CDH20: variants seen among roughly 807,000 people sequenced by gnomAD.
CDH20 encodes cadherin-20.
A neutral mutation model predicts 74.2 loss-of-function variants in CDH20; 29 were observed. The ratio of observed to expected loss-of-function variants is 0.39; its 90% confidence interval spans 0.29 to 0.53. CDH20 has a LOEUF of 0.53. Among genes scored for constraint, CDH20 ranks in the 20% least tolerant of loss-of-function variants. The pLI is 0.69. For synonymous variants in CDH20, 469 were observed against 405.4 expected (o/e 1.16, Z -1.88); for missense variants, 988 against 1,048.3 (o/e 0.94, Z 0.79).
rs543265673 is a variant in CDH20, at chr18:61,360,744, C to A, written c.-153+26917C>A. Among the ~76,000 whole-genome samples, 73 of 152,346 alleles carry A rather than the reference C, an allele frequency of 4.8e-4. No homozygotes were observed. The South Asian group carries it at 0.015, about 32-fold the overall frequency. On this transcript the variant is annotated intron_variant, in intron 1 of 11. Coordinates refer to ENST00000262717, the MANE Select transcript of CDH20 (RefSeq NM_031891.4). The stretch of plus-strand genomic sequence containing the variant: ...AGTGCATGACAGGTTAAGTGAATAC[C>A]AAAGCCCAGCCAGGCAAAAGGACCC...
chr18:61,490,063 T>C, intron 1 of CDH20, among the ~76,000 whole-genome samples: 1 of 152,192 alleles, frequency 6.6e-6, no homozygotes, highest in South Asian at 2.1e-4. Flanking sequence ...TTTAAGAGCC[T>C]GTCTGATCAT....
chr18:61,338,008 C>T (rs1043486521), intron 1 of CDH20, among the ~76,000 whole-genome samples: 1 of 152,186 alleles, frequency 6.6e-6, no homozygotes, highest in East Asian at 1.9e-4. Context: ...TAAGGTCATA[C>T]AGTCTCATAA....
chr18:61,504,208 G>T (rs1209324594), intron 5 of CDH20, among the ~76,000 whole-genome samples: 1 of 152,218 alleles, frequency 6.6e-6, no homozygotes, highest in African/African-American at 2.4e-5. Context: ...GTAGAGGAGG[G>T]GTTGGCAAGG....
intron 1 of CDH20, among the ~76,000 whole-genome samples, chr18:61,403,714 T>G (rs1912230540): frequency 6.6e-6 from 1 of 152,122 alleles, no homozygotes; most frequent in African/African-American, 2.4e-5. Flanking sequence ...ATTAGATAAC[T>G]CATGGGTAAA....
intron 1 of CDH20, among the ~76,000 whole-genome samples, chr18:61,475,023 G>C (rs1039700214): frequency 6.7e-6 from 1 of 150,238 alleles, no homozygotes; most frequent in Non-Finnish European, 1.5e-5. Flanking sequence ...TTAAGGTCCT[G>C]TCAAGTATAG....
chr18:61,523,615 C>G (rs1367904623), intron 6 of CDH20, among the ~76,000 whole-genome samples: 3 of 152,162 alleles, frequency 2.0e-5, no homozygotes, highest in African/African-American at 4.8e-5. Context: ...AAGACACATG[C>G]ACACGTATGT....
chr18:61,550,003 G>A lies in CDH20; in HGVS notation c.1674G>A (p.Arg558=), dbSNP rs763326176. The A allele has an allele frequency of 4.3e-6, 7 of 1,613,996 alleles. No individual in the cohort carries two copies. In the South Asian group the frequency reaches 7.7e-5, roughly 18 times the overall value. Residue 558 remains arginine (R), a synonymous_variant, in exon 11 of 12, where the codon AGG becomes AGA. Coordinates refer to ENST00000262717, the MANE Select transcript of CDH20 (RefSeq NM_031891.4). ...NQDNTARILT[R]RSGFRQQEQS... is the part of the protein sequence containing the mutation. Reference sequence around the variant, plus strand: ...ATAACACAGCACGGATTCTAACCAGGAGGTCTGGTTTCCGGCAGCAGGAGC... The same window carrying A: ...ATAACACAGCACGGATTCTAACCAGAAGGTCTGGTTTCCGGCAGCAGGAGC...
Position 61,395,397 on chromosome 18 carries a change from T to G in CDH20, c.-153+61570T>G, listed in dbSNP as rs539649685. Among the ~76,000 whole-genome samples the G allele has an allele frequency of 9.8e-5, 15 of 152,298 alleles. No homozygotes were observed. In the South Asian group the frequency reaches 3.1e-3, roughly 32 times the overall value. Reference sequence around the variant, plus strand: ...TAAATATTAGCTATTATTATGTGAGTTTTTAGGACTGAGTCATCTTCATCT... The same window carrying G: ...TAAATATTAGCTATTATTATGTGAGGTTTTAGGACTGAGTCATCTTCATCT... On this transcript the variant is annotated intron_variant, in intron 1 of 11. Coordinates refer to ENST00000262717, the MANE Select transcript of CDH20 (RefSeq NM_031891.4).
At chr18:61,518,239 G>A (rs1302784246) in intron 6 of CDH20, among the ~76,000 whole-genome samples, 1 of 152,238 alleles carries the variant, frequency 6.6e-6, no homozygotes, top group Non-Finnish European at 1.5e-5. Context: ...GAAGACAGCA[G>A]TGAATCTCTC....
At chr18:61,504,166 G>C (rs2144324694) in intron 5 of CDH20, among the ~76,000 whole-genome samples, 1 of 152,320 alleles carries the variant, frequency 6.6e-6, no homozygotes, top group East Asian at 1.9e-4. Flanking sequence ...GAGCAAGAGG[G>C]AGACATAAAG....
intron 7 of CDH20, among the ~76,000 whole-genome samples, chr18:61,530,785 C>T (rs1216747827): frequency 6.6e-6 from 1 of 152,170 alleles, no homozygotes; most frequent in Non-Finnish European, 1.5e-5. Flanking sequence ...AAAGAGGCTT[C>T]TGCTGATGTG....
intron 1 of CDH20, among the ~76,000 whole-genome samples, chr18:61,458,508 C>T (rs1909658125): frequency 6.6e-6 from 1 of 152,154 alleles, no homozygotes; most frequent in African/African-American, 2.4e-5. Context: ...GGTCTGAGTT[C>T]TGCCAGACAA....
Position 61,347,855 on chromosome 18 carries a change from T to C in CDH20, c.-153+14028T>C, listed in dbSNP as rs116285923. Among the ~76,000 whole-genome samples the C allele has an allele frequency of 3.6e-3, 553 of 152,198 alleles. 5 individuals are homozygous for C. Among genetic ancestry groups the C allele is most frequent in the African/African-American group, 0.013 (530 of 41,562 alleles). On this transcript the variant is annotated intron_variant, in intron 1 of 11. Transcript: ENST00000262717. ...GAAATTCATAAACAATACTTTTTTTTCAGATGGACATGTGGCTAACATTTT... is the reference window on the plus strand; with the variant it reads ...GAAATTCATAAACAATACTTTTTTTCCAGATGGACATGTGGCTAACATTTT...
In CDH20 at chr18:61,508,201, T is replaced by C. The variant is rs181120938; in HGVS notation, c.1017+641T>C. ...TGAATCTTTAACTCCATAGTAAATATATATCTAATGAAATACATTAATTTT... is the reference window on the plus strand; with the variant it reads ...TGAATCTTTAACTCCATAGTAAATACATATCTAATGAAATACATTAATTTT... On this transcript the variant is annotated intron_variant, in intron 6 of 11. Transcript: ENST00000262717. Among the ~76,000 whole-genome samples the C allele has an allele frequency of 4.7e-3, 723 of 152,350 alleles. 3 individuals carry two copies. Among genetic ancestry groups the C allele is most frequent in the Middle Eastern group, 0.014 (4 of 294 alleles).
intron 1 of CDH20, among the ~76,000 whole-genome samples, chr18:61,406,141 C>G (rs1417829130): frequency 6.6e-6 from 1 of 151,936 alleles, no homozygotes; most frequent in Non-Finnish European, 1.5e-5. Flanking sequence ...AAAAAAAAAT[C>G]ACAGATTTTC....
intron 1 of CDH20, among the ~76,000 whole-genome samples, chr18:61,479,596 T>C (rs886665115): frequency 2.0e-5 from 3 of 152,256 alleles, no homozygotes; most frequent in African/African-American, 4.8e-5. Flanking sequence ...TATAGAACTT[T>C]GTGTTTTTCT....
At chr18:61,399,816 T>C (rs1912100076) in intron 1 of CDH20, among the ~76,000 whole-genome samples, 1 of 152,206 alleles carries the variant, frequency 6.6e-6, no homozygotes, top group Admixed American at 6.5e-5. Flanking sequence ...AAAATACAAT[T>C]ACACTAAGGC....
intron 1 of CDH20, among the ~76,000 whole-genome samples, chr18:61,439,089 G>A (rs942996525): frequency 2.0e-5 from 3 of 151,826 alleles, no homozygotes; most frequent in African/African-American, 7.3e-5. Context: ...TAGAAACTGG[G>A]GACTACTAAA....
At chr18:61,446,042 G>C (rs777082176) in intron 1 of CDH20, among the ~76,000 whole-genome samples, 1 of 152,150 alleles carries the variant, frequency 6.6e-6, no homozygotes, top group Non-Finnish European at 1.5e-5. Flanking sequence ...TCCCAAGAGA[G>C]AGACAGACAG....
Sources: gnomAD v4.1 joint callset for allele counts (sites outside exome capture counted in the v4.1 genomes callset) on GRCh38, gnomAD v4.1.1 for gene constraint, MANE v1.5 for transcripts, NCBI Gene and HGNC (gene_info 2026-07-23, HGNC 2026-07-21) for gene names.